Variants in CNTNAP2 observed in about 807,000 individuals in gnomAD.
The protein encoded by CNTNAP2 is contactin associated protein 2, also known as contactin-associated protein-like 2.
CNTNAP2 carries 98 observed loss-of-function variants against 155.2 expected under a neutral mutation model. The ratio of observed to expected loss-of-function variants is 0.63; its 90% CI spans 0.54 to 0.75. CNTNAP2 has a LOEUF of 0.75. Ranked by LOEUF, CNTNAP2 falls within the 30% of genes least tolerant of loss-of-function variation. The pLI, the probability that CNTNAP2 is intolerant of heterozygous loss-of-function variation, is 0.00. For missense variants in CNTNAP2, 1,727 were observed against 1,688.1 expected (o/e 1.02, Z -0.40); for synonymous variants, 651 against 631.2 (o/e 1.03, Z -0.47).
chr7:147,437,063 C>A (rs923380183), intron 10 of CNTNAP2, among the ~76,000 whole-genome samples: 1 of 151,882 alleles, frequency 6.6e-6, no homozygotes, highest in African/African-American at 2.4e-5. Flanking sequence ...GAGGGAACTG[C>A]TAAGGCCATC....
At chr7:147,015,524 G>A (rs1297868444) in intron 3 of CNTNAP2, among the ~76,000 whole-genome samples, 1 of 152,098 alleles carries the variant, frequency 6.6e-6, no homozygotes, top group South Asian at 2.1e-4. Context: ...TGGGAATAAT[G>A]ATAATATAAT....
intron 3 of CNTNAP2, among the ~76,000 whole-genome samples, chr7:146,895,250 TCTTA>T (rs1448185091): frequency 6.7e-6 from 1 of 149,664 alleles, no homozygotes; most frequent in African/African-American, 2.4e-5. Flanking sequence ...CCTTCCTTAT[TCTTA>T]CTTCCTTCCC....
chr7:147,880,732 T>C (rs1237314132), intron 13 of CNTNAP2, among the ~76,000 whole-genome samples: 8 of 152,076 alleles, frequency 5.3e-5, no homozygotes, highest in African/African-American at 1.9e-4. Context: ...GGGACAATAT[T>C]GAGCATCAAA....
chr7:146,294,456 C>T (rs1282153072), intron 1 of CNTNAP2, among the ~76,000 whole-genome samples: 3 of 152,152 alleles, frequency 2.0e-5, no homozygotes, highest in African/African-American at 7.2e-5. Context: ...TGTCAGCTGG[C>T]CCAGATCCAA....
chr7:147,979,359 T>C (rs574319497), intron 15 of CNTNAP2, among the ~76,000 whole-genome samples: 5 of 152,362 alleles, frequency 3.3e-5, no homozygotes, highest in Admixed American at 2.0e-4. Flanking sequence ...ATAGTATATA[T>C]GCATTTTAAA....
chr7:147,278,747 T>G (rs1269280080), intron 8 of CNTNAP2, among the ~76,000 whole-genome samples: 1 of 151,506 alleles, frequency 6.6e-6, no homozygotes, highest in Non-Finnish European at 1.5e-5. Context: ...GCTATAAAAT[T>G]TTATGTCTAT....
intron 2 of CNTNAP2, among the ~76,000 whole-genome samples, chr7:146,815,689 G>T (rs1344314586): frequency 6.6e-6 from 1 of 152,018 alleles, no homozygotes; most frequent in Non-Finnish European, 1.5e-5. Flanking sequence ...TTTACTTTAT[G>T]ATATATATTA....
chr7:146,314,896 A>C (rs1800882748), intron 1 of CNTNAP2, among the ~76,000 whole-genome samples: 1 of 152,094 alleles, frequency 6.6e-6, no homozygotes, highest in South Asian at 2.1e-4. Flanking sequence ...CTTCCTTCCA[A>C]TAAGAGATTG....
chr7:147,802,351 A>G (rs851672), intron 13 of CNTNAP2, among the ~76,000 whole-genome samples: 74,874 of 138,126 alleles, frequency 0.54, 20,918 homozygotes, highest in African/African-American at 0.81. Flanking sequence ...AGGCAGAGAC[A>G]CTCCTCACCT....
At chr7:147,871,600 G>A (rs1297826098) in intron 13 of CNTNAP2, among the ~76,000 whole-genome samples, 2 of 151,754 alleles carry the variant, frequency 1.3e-5, no homozygotes, top group Non-Finnish European at 1.5e-5. Flanking sequence ...GTCCACAGGG[G>A]CTGCTGCCCA....
intron 15 of CNTNAP2, among the ~76,000 whole-genome samples, chr7:148,080,470 G>A (rs1021535447): frequency 6.6e-6 from 1 of 151,770 alleles, no homozygotes; most frequent in African/African-American, 2.4e-5. Context: ...GCCTGGCGTG[G>A]TGGCGGCGCC....
At chr7:146,697,018 G>T (rs1031349694) in intron 1 of CNTNAP2, among the ~76,000 whole-genome samples, 3 of 152,096 alleles carry the variant, frequency 2.0e-5, no homozygotes, top group Admixed American at 6.6e-5. Context: ...CCAGTTAATT[G>T]TTGGTGCTGT....
At chr7:147,735,593 T>C (rs9701560) in intron 13 of CNTNAP2, among the ~76,000 whole-genome samples, 2 of 151,776 alleles carry the variant, frequency 1.3e-5, no homozygotes, top group East Asian at 1.9e-4. Flanking sequence ...CTTTCTGTCT[T>C]GTTGATCTGT....
At chr7:148,183,330 G>C (rs1280018995) in intron 18 of CNTNAP2, among the ~76,000 whole-genome samples, 1 of 152,320 alleles carries the variant, frequency 6.6e-6, no homozygotes, top group East Asian at 1.9e-4. Context: ...TTCTGAGGGC[G>C]TAATTTGGGT....
intron 1 of CNTNAP2, among the ~76,000 whole-genome samples, chr7:146,716,213 G>GA (rs571237905): frequency 0.1 from 11,759 of 112,850 alleles, 1,161 homozygotes; most frequent in African/African-American, 0.26. Context: ...AAGTCTGCAG[G>GA]AAAAAAAAAA....
chr7:147,762,621 C>T (rs1797320090), intron 13 of CNTNAP2, among the ~76,000 whole-genome samples: 1 of 150,128 alleles, frequency 6.7e-6, no homozygotes, highest in South Asian at 2.1e-4. Flanking sequence ...TGTTAATTAA[C>T]TGTGCTCAGT....
chr7:148,073,846 A>T (rs1473586324), intron 15 of CNTNAP2, among the ~76,000 whole-genome samples: 1 of 152,092 alleles, frequency 6.6e-6, no homozygotes, highest in African/African-American at 2.4e-5. Flanking sequence ...AGACACAAAT[A>T]TAGTATTCAC....
intron 3 of CNTNAP2, among the ~76,000 whole-genome samples, chr7:146,894,554 T>C (rs1795839291): frequency 6.6e-6 from 1 of 152,134 alleles, no homozygotes; most frequent in South Asian, 2.1e-4. Flanking sequence ...CTGCTGCCCC[T>C]GTGGTTCGCC....
chr7:146,982,014 T>G (rs1373620495), intron 3 of CNTNAP2, among the ~76,000 whole-genome samples: 3 of 152,182 alleles, frequency 2.0e-5, no homozygotes, highest in African/African-American at 7.2e-5. Flanking sequence ...CAATAGAAGT[T>G]TATTAATTGA....
Sources: allele counts gnomAD v4.1 joint callset (sites outside exome capture counted in the v4.1 genomes callset), GRCh38; gene constraint gnomAD v4.1.1; transcripts MANE v1.5; gene names NCBI Gene and HGNC (gene_info 2026-07-23, HGNC 2026-07-21).